Variants in ANGPT1 observed in about 807,000 individuals in gnomAD.
ANGPT1 encodes angiopoietin-1.
A neutral mutation model predicts 62.2 loss-of-function variants in ANGPT1; 17 were observed. The ratio of observed to expected loss-of-function variants is 0.27; its 90% confidence interval spans 0.19 to 0.41. ANGPT1 has a LOEUF of 0.41. Among genes scored for constraint, ANGPT1 ranks in the 10% least tolerant of loss-of-function variants. ANGPT1 has a pLI of 1.00. For synonymous variants in ANGPT1, 199 were observed against 198.9 expected (o/e 1.00, Z 0.00); for missense variants, 478 against 594.9 (o/e 0.80, Z 2.04).
chr8:107,480,463 A>T (rs1812648714), intron 1 of ANGPT1, among the ~76,000 whole-genome samples: 1 of 152,212 alleles, frequency 6.6e-6, no homozygotes, highest in Admixed American at 6.5e-5. Context: ...TTATGGGGAC[A>T]ATGCTCCAAA....
At chr8:107,356,633 C>T (rs1025948540) in intron 1 of ANGPT1, among the ~76,000 whole-genome samples, 3 of 152,086 alleles carry the variant, frequency 2.0e-5, no homozygotes, top group African/African-American at 7.2e-5. Flanking sequence ...AAAAATACAG[C>T]CTGGAAAAAT....
At chr8:107,497,175 A>G (rs923014292) in intron 1 of ANGPT1, 87 bp downstream of exon 1, 5 of 1,435,180 alleles carry the variant, frequency 3.5e-6, no homozygotes, top group Non-Finnish European at 4.8e-6. Flanking sequence ...GTAAATACAC[A>G]AATGCTCCCC....
intron 1 of ANGPT1, among the ~76,000 whole-genome samples, chr8:107,373,727 C>A (rs1455414254): frequency 6.6e-6 from 1 of 152,172 alleles, no homozygotes; most frequent in Non-Finnish European, 1.5e-5. Context: ...CCATATTTTT[C>A]TAAGTGCCTC....
At chr8:107,419,500 C>G (rs1237087438) in intron 1 of ANGPT1, among the ~76,000 whole-genome samples, 3 of 152,168 alleles carry the variant, frequency 2.0e-5, no homozygotes, top group South Asian at 4.1e-4. Flanking sequence ...TGACTTTCCA[C>G]TCTTCATCAA....
At chr8:107,427,067 TG>T (rs1417070472) in intron 1 of ANGPT1, among the ~76,000 whole-genome samples, 1 of 152,326 alleles carries the variant, frequency 6.6e-6, no homozygotes, top group African/African-American at 2.4e-5. Context: ...AAAAAGAATA[TG>T]GGTCCACACT....
intron 1 of ANGPT1, among the ~76,000 whole-genome samples, chr8:107,466,696 G>A (rs1812206826): frequency 6.6e-6 from 1 of 152,066 alleles, no homozygotes; most frequent in African/African-American, 2.4e-5. Flanking sequence ...TGGATCACCT[G>A]AGGTCAGGAG....
At chr8:107,417,673 C>CA (rs773496012) in intron 1 of ANGPT1, among the ~76,000 whole-genome samples, 2 of 152,228 alleles carry the variant, frequency 1.3e-5, no homozygotes, top group Non-Finnish European at 2.9e-5. Context: ...GAGAGAGCTA[C>CA]AAATTCATCT....
At chr8:107,436,059 T>C (rs1019118892) in intron 1 of ANGPT1, among the ~76,000 whole-genome samples, 2 of 152,060 alleles carry the variant, frequency 1.3e-5, no homozygotes, top group African/African-American at 2.4e-5. Context: ...TGCACTACCA[T>C]GCTTGTCTAA....
intron 3 of ANGPT1, among the ~76,000 whole-genome samples, chr8:107,327,726 G>A (rs898693134): frequency 6.6e-6 from 1 of 152,022 alleles, no homozygotes; most frequent in Non-Finnish European, 1.5e-5. Flanking sequence ...CCTGTTTCCC[G>A]TCTTTCTGGA....
chr8:107,416,076 C>T (rs888822507), intron 1 of ANGPT1, among the ~76,000 whole-genome samples: 8 of 152,116 alleles, frequency 5.3e-5, no homozygotes, highest in Non-Finnish European at 1.0e-4. Context: ...CATTTTCCCC[C>T]ATATACCAAG....
intron 1 of ANGPT1, among the ~76,000 whole-genome samples, chr8:107,394,023 A>G (rs1209530159): frequency 2.6e-5 from 4 of 152,126 alleles, no homozygotes; most frequent in African/African-American, 7.2e-5. Flanking sequence ...CTCTGCAAAG[A>G]TTTTTAGAGC....
chr8:107,340,513 G>T (rs1378850931), intron 2 of ANGPT1, among the ~76,000 whole-genome samples: 1 of 151,994 alleles, frequency 6.6e-6, no homozygotes, highest in East Asian at 1.9e-4. Flanking sequence ...TAATATTAAT[G>T]CTAAAAGTCA....
At chr8:107,299,526 AG>A (rs1409380670) in intron 5 of ANGPT1, among the ~76,000 whole-genome samples, 1 of 141,386 alleles carries the variant, frequency 7.1e-6, no homozygotes, top group African/African-American at 2.6e-5. Context: ...ATATACACTA[AG>A]CATATATATA....
intron 1 of ANGPT1, among the ~76,000 whole-genome samples, chr8:107,354,121 G>T (rs1563582875): frequency 6.6e-6 from 1 of 152,094 alleles, no homozygotes. Context: ...TGCCCCTAGA[G>T]TTGGGCCAGG....
rs368723638 is a variant in ANGPT1 at position 107,259,229 on chromosome 8, T to G, written c.1336+4992A>C. Among the ~76,000 whole-genome samples the G allele has an allele frequency of 2.6e-5, 4 of 152,192 alleles. No homozygotes were observed. In the East Asian group the frequency reaches 5.8e-4, roughly 22 times the overall value. On this transcript the variant is annotated intron_variant, in intron 8 of 8. Transcript: ENST00000517746. The stretch of plus-strand genomic sequence containing the variant: ...TTATCTGATCATGCTTAGCAGGTCT[T>G]TCTTGGGTTCCCAAAAATGCTAAGA...
intron 4 of ANGPT1, among the ~76,000 whole-genome samples, chr8:107,321,179 GGATA>G (rs1397262512): frequency 3.3e-5 from 5 of 151,928 alleles, no homozygotes; most frequent in Non-Finnish European, 7.4e-5. Context: ...GTGGATGGAT[GGATA>G]GACAGATGTA....
intron 1 of ANGPT1, among the ~76,000 whole-genome samples, chr8:107,408,042 A>T (rs1817185616): frequency 6.6e-6 from 1 of 151,940 alleles, no homozygotes. Context: ...TCAGCACTGA[A>T]AATAAGAGTA....
chr8:107,352,279 A>G (rs1450955678), intron 1 of ANGPT1, among the ~76,000 whole-genome samples: 2 of 152,206 alleles, frequency 1.3e-5, no homozygotes, highest in African/African-American at 4.8e-5. Flanking sequence ...TGGCTGTAAT[A>G]TCTTAGGAAA....
intron 8 of ANGPT1, among the ~76,000 whole-genome samples, chr8:107,252,451 T>G (rs1813267569): frequency 1.3e-5 from 2 of 152,166 alleles, no homozygotes; most frequent in Admixed American, 6.6e-5. Context: ...TGCAGAAACT[T>G]AGACAAGCAA....
Sources: allele counts gnomAD v4.1 joint callset (sites outside exome capture counted in the v4.1 genomes callset), GRCh38; gene constraint gnomAD v4.1.1; transcripts MANE v1.5; gene names NCBI Gene and HGNC (gene_info 2026-07-23, HGNC 2026-07-21).